CHD5: variants seen among roughly 807,000 people sequenced by gnomAD.
CHD5 encodes chromodomain helicase DNA binding protein 5.
In CHD5, 69 loss-of-function variants were observed where a neutral mutation model predicts 230.3. The observed-to-expected ratio is 0.30, with a 90% CI of 0.25 to 0.37. The LOEUF is 0.37. CHD5 is among the 10% of genes least tolerant of loss of function. The pLI, the probability that CHD5 is intolerant of heterozygous loss-of-function variation, is 1.00. For missense variants in CHD5, 1,827 were observed against 2,622.8 expected (o/e 0.70, Z 6.63); for synonymous variants, 1,064 against 1,065.9 (o/e 1.00, Z 0.03).
rs1571146040 is a variant in CHD5, at chr1:6,125,003, C to T, written c.4394+97G>A. 12 of 1,285,602 alleles carry T rather than the reference C, an allele frequency of 9.3e-6. No homozygotes were observed. The highest frequency in any genetic ancestry group is 1.5e-5 in the African/African-American group (1 of 66,428). 79.6% of individuals were successfully genotyped at this position (1,285,602 alleles called of 1,614,324 possible). A position where few individuals can be genotyped will look rare whatever the true frequency, so the allele number is the denominator to read the frequency against. On this transcript the variant is annotated intron_variant, in intron 29 of 41. Coordinates refer to ENST00000262450, the MANE Select transcript of CHD5 (RefSeq NM_015557.3). The surrounding 1 kb of genome is among the most constrained non-coding windows in gnomAD (Gnocchi z 6.7). The stretch of plus-strand genomic sequence containing the variant: ...AACTTTCCAGACGGCCTCATCCTGG[C>T]GGAAGCAAATGCTGCCCTCTGTGGG...
At chr1:6,171,459 CTGG>C (rs1265164075) in intron 1 of CHD5, among the ~76,000 whole-genome samples, 1 of 152,108 alleles carries the variant, frequency 6.6e-6, no homozygotes, top group Non-Finnish European at 1.5e-5. Context: ...CAGATGGCTT[CTGG>C]TGGGTGGCCC....
At chr1:6,115,078 C>T (rs1056350008) in intron 33 of CHD5, among the ~76,000 whole-genome samples, 3 of 151,560 alleles carry the variant, frequency 2.0e-5, no homozygotes, top group South Asian at 2.1e-4. Context: ...TTTGGGAGGC[C>T]GAGGCGGGCA....
At chr1:6,152,368 A>G in intron 6 of CHD5, 44 bp downstream of exon 6, 1 of 1,585,500 alleles carries the variant, frequency 6.3e-7, no homozygotes, top group East Asian at 2.3e-5. Flanking sequence ...GCAGACACAC[A>G]TGCATGCAAA....
intron 33 of CHD5, among the ~76,000 whole-genome samples, chr1:6,120,888 G>A (rs998945974): frequency 6.6e-6 from 1 of 151,614 alleles, no homozygotes; most frequent in Non-Finnish European, 1.5e-5. Context: ...GGGTGACAGA[G>A]CGAAACCCTT....
At chr1:6,151,281 C>G in intron 6 of CHD5, 126 bp from the exon 7 acceptor site, 1 of 1,112,594 alleles carries the variant, frequency 9.0e-7, no homozygotes, top group Non-Finnish European at 1.2e-6. Flanking sequence ...TGTGATTCAT[C>G]TCAGCCCCCA....
chr1:6,164,886 G>A (rs1348756139), intron 2 of CHD5, among the ~76,000 whole-genome samples: 1 of 152,132 alleles, frequency 6.6e-6, no homozygotes, highest in Non-Finnish European at 1.5e-5. Context: ...AAGAGAGGGA[G>A]AGAAATGAGG....
chr1:6,146,589 C>A lies in CHD5; in HGVS notation c.1590+76G>T, dbSNP rs967735891. 8.6e-6 allele frequency: 13 copies of A among 1,518,476 alleles called. No homozygotes were observed. In the Admixed American group the frequency reaches 2.2e-4, roughly 26 times the overall value. 94.1% of individuals were successfully genotyped at this position (1,518,476 alleles called of 1,614,324 possible). ...CCCCTCAGTCAGAGGCGCTTCAGCC[C>A]CTTCCCGCCAGCCCAGGAGGGTCCA... is the stretch of plus-strand genomic sequence containing the variant. On this transcript the variant is annotated intron_variant, in intron 10 of 41. Transcript: ENST00000262450. The surrounding 1 kb of genome is among the most constrained non-coding windows in gnomAD (Gnocchi z 5.1).
chr1:6,128,382 G>A lies in CHD5; in HGVS notation c.3730+117C>T, dbSNP rs375996663. On this transcript the variant is annotated intron_variant, in intron 24 of 41. Transcript: ENST00000262450. This position sits in a 1 kb window ranked among gnomAD's most constrained non-coding sequence, Gnocchi z 7.8. ...AAACTGCGCTGTAACAGCCCCACTC[G>A]CCGCCCACCTGGCAGTCCCAGGACG... The A allele has an allele frequency of 1.5e-5, 16 of 1,103,176 alleles. No individual in the cohort carries two copies. The highest frequency in any genetic ancestry group is 4.1e-5 in the Admixed American group (2 of 49,150). The allele number at this position is 1,103,176 out of a possible 1,614,324, so 68.3% of individuals were successfully genotyped here. A position where few individuals can be genotyped will look rare whatever the true frequency, so the allele number is the denominator to read the frequency against.
At chr1:6,156,938 C>T (rs533180011) in intron 3 of CHD5, among the ~76,000 whole-genome samples, 25 of 152,316 alleles carry the variant, frequency 1.6e-4, no homozygotes, top group East Asian at 1.9e-4. Context: ...TGCCACATAC[C>T]GGTGGTAAGA....
At position 6,128,755 on chromosome 1, in the gene CHD5, C is replaced by T. The variant is rs1213877238; in HGVS notation, c.3619+83G>A. The T allele has an allele frequency of 1.4e-5, 18 of 1,324,978 alleles. No homozygotes were observed. The highest frequency in any genetic ancestry group is 7.2e-5 in the Admixed American group (4 of 55,944). 82.1% of individuals were successfully genotyped at this position (1,324,978 alleles called of 1,614,324 possible). On this transcript the variant is annotated intron_variant, in intron 23 of 41. Coordinates refer to ENST00000262450, the MANE Select transcript of CHD5 (RefSeq NM_015557.3). The surrounding 1 kb of genome is among the most constrained non-coding windows in gnomAD (Gnocchi z 7.8). ...AAGAGAGGCTGTGTGTTGGAGCGGGCAGGGACCCAAGCAAGCCCTGGATGG... is the reference window on the plus strand; with the variant it reads ...AAGAGAGGCTGTGTGTTGGAGCGGGTAGGGACCCAAGCAAGCCCTGGATGG...
chr1:6,141,978 T>C, intron 15 of CHD5, 150 bp downstream of exon 15: 1 of 682,416 alleles, frequency 1.5e-6, no homozygotes, highest in Non-Finnish European at 2.6e-6. Flanking sequence ...GACATGGCTG[T>C]AACTCAGCCT....
intron 2 of CHD5, among the ~76,000 whole-genome samples, chr1:6,162,618 A>G (rs761744994): frequency 3.9e-5 from 6 of 152,134 alleles, no homozygotes; most frequent in Non-Finnish European, 5.9e-5. Context: ...CACCACGACC[A>G]CATGTAGACA....
chr1:6,154,741 T>C lies in CHD5; in HGVS notation c.664A>G (p.Ile222Val). Reference sequence around the variant, plus strand: ...GGGCTGACGGCTAGCGGAGGGGAGATGGTGACCGTCTCTACAGCCGCAGCC... The same window carrying C: ...GGGCTGACGGCTAGCGGAGGGGAGACGGTGACCGTCTCTACAGCCGCAGCC... Reference protein sequence around the residue: ...AVAAAVETVTISPPLAVSPPQ... With the variant: ...AVAAAVETVTVSPPLAVSPPQ... The change falls in exon 5 of 42, where the codon ATC becomes GTC. Residue 222 changes from isoleucine (I) to valine (V), a missense_variant. Coordinates refer to ENST00000262450, the MANE Select transcript of CHD5 (RefSeq NM_015557.3). This position sits in a 1 kb window ranked among gnomAD's most constrained non-coding sequence, Gnocchi z 7.0. The C allele has an allele frequency of 6.2e-7, 1 of 1,610,924 alleles. No individual in the cohort carries two copies. Among genetic ancestry groups the C allele is most frequent in the Non-Finnish European group, 8.5e-7 (1 of 1,179,014 alleles).
chr1:6,173,668 C>T (rs1019881802), intron 1 of CHD5, among the ~76,000 whole-genome samples: 1 of 152,184 alleles, frequency 6.6e-6, no homozygotes, highest in Non-Finnish European at 1.5e-5. Flanking sequence ...CCTGCAGGGG[C>T]TCAGCAATGG....
chr1:6,126,885 C>T lies in CHD5; in HGVS notation c.3904-139G>A, dbSNP rs111367111. 4.4e-4 allele frequency: 309 copies of T among 705,278 alleles called. No individual in the cohort carries two copies. The African/African-American group carries it at 4.6e-3, about 10-fold the overall frequency. 43.7% of individuals were successfully genotyped at this position (705,278 alleles called of 1,614,324 possible). A position where few individuals can be genotyped will look rare whatever the true frequency, so the allele number is the denominator to read the frequency against. The stretch of plus-strand genomic sequence containing the variant: ...GGATGGCCTGCCTACTCCAGGAAGC[C>T]TTCTCTGATCACCCCGGCCCTAGCT... On this transcript the variant is annotated intron_variant, in intron 25 of 41. Coordinates refer to ENST00000262450, the MANE Select transcript of CHD5 (RefSeq NM_015557.3). The surrounding 1 kb of genome is among the most constrained non-coding windows in gnomAD (Gnocchi z 5.7).
chr1:6,132,173 G>C (rs1196828002), intron 20 of CHD5, among the ~76,000 whole-genome samples: 1 of 152,100 alleles, frequency 6.6e-6, no homozygotes, highest in Non-Finnish European at 1.5e-5. Flanking sequence ...TGTCTTCCCT[G>C]ATTTCACTCC....
chr1:6,161,947 C>T (rs1355615090), intron 2 of CHD5, among the ~76,000 whole-genome samples: 1 of 152,208 alleles, frequency 6.6e-6, no homozygotes, highest in Admixed American at 6.5e-5. Context: ...ACGTGGCCTG[C>T]CAGTGAGTCC....
At chr1:6,122,459 G>A (rs565167007) in intron 31 of CHD5, among the ~76,000 whole-genome samples, 1 of 152,310 alleles carries the variant, frequency 6.6e-6, no homozygotes, top group Admixed American at 6.5e-5. Context: ...ATGCTCCCAG[G>A]ACAGCTAGAA....
intron 2 of CHD5, among the ~76,000 whole-genome samples, chr1:6,165,317 GGGGCTCCCACA>G (rs1026167620): frequency 2.0e-4 from 31 of 152,262 alleles, no homozygotes; most frequent in Non-Finnish European, 3.7e-4. Context: ...GGGGAGGATG[GGGGCTCCCACA>G]GGGCTCCCAC....
Sources: gnomAD v4.1 joint callset for allele counts (sites outside exome capture counted in the v4.1 genomes callset) on GRCh38, gnomAD v4.1.1 for gene constraint, Gnocchi (gnomAD v3.1) non-coding constraint, MANE v1.5 for transcripts, NCBI Gene and HGNC (gene_info 2026-07-23, HGNC 2026-07-21) for gene names.